The following RTEL1 variants were observed in gnomAD, a reference collection of about 807,000 sequenced individuals.
RTEL1 encodes the protein regulator of telomere elongation helicase 1.
Under a neutral mutation model 162.2 loss-of-function variants are expected in RTEL1, and 86 were observed. The ratio of observed to expected loss-of-function variants is 0.53; its 90% CI spans 0.45 to 0.63. The LOEUF (loss-of-function observed/expected upper bound fraction) is 0.63. Ranked by LOEUF, RTEL1 falls within the 30% of genes least tolerant of loss-of-function variation. The pLI, the probability that RTEL1 is intolerant of heterozygous loss-of-function variation, is 0.00. For synonymous variants in RTEL1, 958 were observed against 717.9 expected (o/e 1.33, Z -5.35); for missense variants, 1,941 against 1,750.2 (o/e 1.11, Z -1.95).
At chr20:63,683,270 G>A (rs997887186) in intron 14 of RTEL1, among the ~76,000 whole-genome samples, 1 of 152,202 alleles carries the variant, frequency 6.6e-6, no homozygotes, top group Non-Finnish European at 1.5e-5. Flanking sequence ...CTGCCCAGCA[G>A]AAGGCTTTTC....
At chr20:63,690,470 TGTGGGGGTGGCGGAGCGGGCGGC>T in intron 26 of RTEL1, 29 bp downstream of exon 26, 2 of 1,177,318 alleles carry the variant, frequency 1.7e-6, no homozygotes, top group Non-Finnish European at 2.3e-6. Context: ...GGGTGGGCGG[TGTGGGGGTGGCGGAGCGGGCGGC>T]GTGGGGCGGG....
Position 63,667,456 on chromosome 20 carries a change from C to G in RTEL1, c.615-13C>G, listed in dbSNP as rs189504124. On this transcript the variant is annotated splice_polypyrimidine_tract_variant and intron_variant, in intron 7 of 34. Coordinates refer to ENST00000360203, the MANE Select transcript of RTEL1 (RefSeq NM_001283009.2). ...TGGGGTGCTCACAGGATCTTCTCCT[C>G]TCTCCTTCCCAGGGTGTGCCCTTAC... 6.8e-6 allele frequency: 11 copies of G among 1,609,324 alleles called. No individual in the cohort carries two copies. The highest frequency in any genetic ancestry group is 3.3e-5 in the Admixed American group (2 of 59,972).
chr20:63,665,974 T>G (rs2090118257), intron 6 of RTEL1, 30 bp from the exon 7 acceptor site: 1 of 1,607,010 alleles, frequency 6.2e-7, no homozygotes. Flanking sequence ...ACCCTGAGGG[T>G]GTGTGTTTAC....
chr20:63,696,042 C>G lies in RTEL1; in HGVS notation c.*184C>G. 1.6e-6 allele frequency: 1 copy of G among 608,284 alleles called. No homozygotes were observed. Among genetic ancestry groups the G allele is most frequent in the Non-Finnish European group, 2.9e-6 (1 of 349,130 alleles). The allele number at this position is 608,284 out of a possible 1,614,324, so 37.7% of individuals were successfully genotyped here. On this transcript the variant is annotated 3_prime_UTR_variant, in exon 35 of 35. Coordinates refer to ENST00000360203, the MANE Select transcript of RTEL1 (RefSeq NM_001283009.2). Reference sequence around the variant, plus strand: ...GGTGGGACCGGATCTGGGCCTGCCTCTGAGAAGCCCTGAGCTACCTTGGGG... The same window carrying G: ...GGTGGGACCGGATCTGGGCCTGCCTGTGAGAAGCCCTGAGCTACCTTGGGG...
intron 28 of RTEL1, chr20:63,692,440 C>T (rs1601180061): frequency 2.9e-6 from 1 of 343,836 alleles, no homozygotes; most frequent in Non-Finnish European, 5.5e-6. Flanking sequence ...GAAGCCCCTC[C>T]TTGTGCGCTG....
At chr20:63,685,437 T>C in intron 14 of RTEL1, 86 bp from the exon 15 acceptor site, 1 of 1,376,764 alleles carries the variant, frequency 7.3e-7, no homozygotes, top group Non-Finnish European at 1.0e-6. Context: ...CTGGGTGTCC[T>C]GTGACCTTCT....
chr20:63,690,476 G>A, intron 26 of RTEL1, 35 bp downstream of exon 26: 1 of 1,519,962 alleles, frequency 6.6e-7, no homozygotes. Flanking sequence ...GCGGTGTGGG[G>A]GTGGCGGAGC....
intron 21 of RTEL1, 149 bp downstream of exon 21, chr20:63,688,754 T>C: frequency 2.8e-6 from 2 of 703,990 alleles, no homozygotes; most frequent in East Asian, 2.7e-5. Context: ...TTCCTGGCCC[T>C]GAGTGTTGCC....
chr20:63,691,679 G>A (rs2090748297), intron 27 of RTEL1, 63 bp from the exon 28 acceptor site: 2 of 1,442,296 alleles, frequency 1.4e-6, no homozygotes, highest in Non-Finnish European at 9.7e-7. Flanking sequence ...GCGTCCAGGT[G>A]CTTTGGGACC....
intron 12 of RTEL1, among the ~76,000 whole-genome samples, chr20:63,679,547 G>A (rs2090439288): frequency 6.6e-6 from 1 of 152,084 alleles, no homozygotes; most frequent in Admixed American, 6.6e-5. Context: ...TCTCGTGCTG[G>A]CCAGGCCTCC....
chr20:63,659,143 C>T, intron 1 of RTEL1, 90 bp from the exon 2 acceptor site: 1 of 491,186 alleles, frequency 2.0e-6, no homozygotes, highest in Non-Finnish European at 3.7e-6. Flanking sequence ...CTCCAACCCT[C>T]TCCGCAGGAG....
At chr20:63,662,379 C>A in intron 4 of RTEL1, 167 bp from the exon 5 acceptor site, 7 of 1,388,822 alleles carry the variant, frequency 5.0e-6, no homozygotes, top group Non-Finnish European at 7.0e-6. Context: ...TGTCCAGTAC[C>A]CCCGCTCGTC....
intron 4 of RTEL1, 174 bp from the exon 5 acceptor site, chr20:63,662,372 C>T (rs1169710343): frequency 7.5e-7 from 1 of 1,334,656 alleles, no homozygotes; most frequent in Non-Finnish European, 1.0e-6. Context: ...CTCCCTCTGT[C>T]CAGTACCCCC....
At chr20:63,693,085 G>C in intron 29 of RTEL1, 58 bp from the exon 30 acceptor site, 1 of 1,610,792 alleles carries the variant, frequency 6.2e-7, no homozygotes, top group Non-Finnish European at 8.5e-7. Context: ...GGTCCAAGGT[G>C]GTCTCTGTTC....
intron 12 of RTEL1, among the ~76,000 whole-genome samples, chr20:63,679,528 C>T (rs1337060206): frequency 4.6e-5 from 7 of 152,108 alleles, no homozygotes; most frequent in Admixed American, 1.3e-4. Context: ...TTCTTTTCCT[C>T]GGTGCTGTTC....
intron 8 of RTEL1, among the ~76,000 whole-genome samples, chr20:63,671,859 T>C (rs982741578): frequency 6.6e-6 from 1 of 151,928 alleles, no homozygotes; most frequent in Non-Finnish European, 1.5e-5. Context: ...ACTCTGTGGG[T>C]GGGACCTGGG....
intron 4 of RTEL1, 91 bp from the exon 5 acceptor site, chr20:63,662,455 C>A (rs1601086368): frequency 3.8e-6 from 6 of 1,581,376 alleles, no homozygotes; most frequent in South Asian, 1.1e-5. Context: ...CGCCGAGGCT[C>A]CTGCGTGTCT....
At chr20:63,673,465 G>T (rs1350076958) in intron 9 of RTEL1, among the ~76,000 whole-genome samples, 1 of 152,068 alleles carries the variant, frequency 6.6e-6, no homozygotes, top group Non-Finnish European at 1.5e-5. Context: ...TTGAGACAGG[G>T]TCTCCTTCTG....
chr20:63,692,792 C>G lies in RTEL1; in HGVS notation c.2653-13C>G. The G allele has an allele frequency of 6.2e-7, 1 of 1,607,256 alleles. No individual in the cohort carries two copies. On this transcript the variant is annotated splice_polypyrimidine_tract_variant and intron_variant, in intron 28 of 34. Transcript: ENST00000360203. ...GGCTGGCCCTGATGGAGCCTCGGGC[C>G]TGTGTCCTGCAGGAGGAGCCCGTGG...
Sources: allele counts gnomAD v4.1 joint callset (sites outside exome capture counted in the v4.1 genomes callset), GRCh38; gene constraint gnomAD v4.1.1; transcripts MANE v1.5; gene names NCBI Gene and HGNC (gene_info 2026-07-23, HGNC 2026-07-21).